The following IQSEC2 variants were observed in gnomAD, a reference collection of about 807,000 sequenced individuals.
The protein encoded by IQSEC2 is IQ motif and SEC7 domain-containing protein 2.
IQSEC2 carries 6 observed loss-of-function variants against 74.6 expected under a neutral mutation model. The observed-to-expected ratio is 0.08, with a 90% CI of 0.04 to 0.16. The LOEUF is 0.16. Ranked by LOEUF, IQSEC2 falls within the 10% of genes least tolerant of loss-of-function variation. The pLI, the probability that IQSEC2 is intolerant of heterozygous loss-of-function variation, is 1.00. For synonymous variants in IQSEC2, 494 were observed against 544.5 expected (o/e 0.91, Z 1.29); for missense variants, 734 against 1,306.2 (o/e 0.56, Z 6.75).
intron 2 of IQSEC2, 53 bp from the exon 3 acceptor site, chrX:53,256,114 C>G: frequency 9.4e-7 from 1 of 1,064,897 alleles, no homozygotes; most frequent in Non-Finnish European, 1.2e-6. Flanking sequence ...CAGGGGCCTA[C>G]TGGGCCATAC....
At chrX:53,270,435 T>C (rs1277878406) in intron 2 of IQSEC2, among the ~76,000 whole-genome samples, 1 of 110,530 alleles carries the variant, frequency 9.0e-6, no homozygotes, top group Non-Finnish European at 1.9e-5. Flanking sequence ...ACACCTGCGG[T>C]TCCTTCTATC....
At chrX:53,245,877 T>C (rs1414729415) in intron 8 of IQSEC2, among the ~76,000 whole-genome samples, 2 of 102,260 alleles carry the variant, frequency 2.0e-5, no homozygotes, top group African/African-American at 3.7e-5. Context: ...TTTTTTTTTT[T>C]TTCAAGACAG....
chrX:53,281,542 G>A, intron 2 of IQSEC2: 1 of 1,152,780 alleles, frequency 8.7e-7, no homozygotes, highest in Non-Finnish European at 1.2e-6. Context: ...CTGTCCCAAG[G>A]GCAGGCCCCC....
intron 2 of IQSEC2, among the ~76,000 whole-genome samples, chrX:53,268,311 A>G (rs1458595759): frequency 2.7e-5 from 3 of 111,462 alleles, no homozygotes; most frequent in Non-Finnish European, 5.7e-5. Flanking sequence ...ATTGCTGTCC[A>G]TCTGATGCAC....
chrX:53,256,140 C>T (rs889570776), intron 2 of IQSEC2, 79 bp from the exon 3 acceptor site: 11 of 949,059 alleles, frequency 1.2e-5, no homozygotes, highest in Non-Finnish European at 1.4e-5. Context: ...GTGGGTGAGC[C>T]AGATCCCTGC....
chrX:53,266,676 A>C, intron 2 of IQSEC2: 1 of 873,175 alleles, frequency 1.1e-6, no homozygotes. Context: ...CGGGTACGGG[A>C]GGATCCAGGT....
At chrX:53,259,987 G>C (rs1227210743) in intron 2 of IQSEC2, among the ~76,000 whole-genome samples, 1 of 111,981 alleles carries the variant, frequency 8.9e-6, no homozygotes, top group Non-Finnish European at 1.9e-5. Context: ...TTCTCAGGGA[G>C]GTGATGTTCT....
chrX:53,250,391 G>A lies in IQSEC2; in HGVS notation c.2185C>T (p.Leu729=), dbSNP rs782134700. 8.3e-7 allele frequency: 1 copy of A among 1,211,906 alleles called. No homozygotes were observed. Among genetic ancestry groups the A allele is most frequent in the South Asian group, 1.8e-5 (1 of 57,002 alleles). ...TCCCGCTGGTAAGTCTGCTTGCACA[G>A]GCCGGTAGCCGGAGGCTCCCTTAGA... ...DSLREPPATG[L]CKQTYQRETR... Residue 729 remains leucine (L), a synonymous_variant, in exon 5 of 15, where the codon CTG becomes TTG. Coordinates refer to ENST00000642864, the MANE Select transcript of IQSEC2 (RefSeq NM_001111125.3).
At chrX:53,259,589 C>T (rs1366588595) in intron 2 of IQSEC2, among the ~76,000 whole-genome samples, 1 of 105,424 alleles carries the variant, frequency 9.5e-6, no homozygotes, top group Non-Finnish European at 2.0e-5. Flanking sequence ...TCACTTAAGC[C>T]CAGGAGTTCA....
At chrX:53,291,142 C>T (rs1979790853) in intron 2 of IQSEC2, among the ~76,000 whole-genome samples, 1 of 110,516 alleles carries the variant, frequency 9.0e-6, no homozygotes, top group South Asian at 3.9e-4. Context: ...CCCCATCATT[C>T]CTATATAATC....
intron 12 of IQSEC2, 44 bp downstream of exon 12, chrX:53,238,101 A>G: frequency 8.6e-7 from 1 of 1,161,209 alleles, no homozygotes; most frequent in Non-Finnish European, 1.2e-6. Flanking sequence ...TCTGCAGGGT[A>G]CTGTTTCAGG....
At chrX:53,300,219 T>A (rs1434401004) in intron 1 of IQSEC2, among the ~76,000 whole-genome samples, 1 of 111,705 alleles carries the variant, frequency 9.0e-6, no homozygotes, top group African/African-American at 3.3e-5. Flanking sequence ...TGTTTCTACC[T>A]TTTTTACTCC....
chrX:53,264,397 C>T (rs1556867202), intron 2 of IQSEC2, among the ~76,000 whole-genome samples: 1 of 105,313 alleles, frequency 9.5e-6, no homozygotes, highest in Non-Finnish European at 2.0e-5. Flanking sequence ...GCCCACGGGT[C>T]GGGAGGGTCA....
rs1397379867 is a variant in IQSEC2, at chrX:53,320,999, C to T, written c.125G>A (p.Arg42Gln). The T allele has an allele frequency of 1.2e-5, 14 of 1,156,366 alleles. No homozygotes were observed. The highest frequency in any genetic ancestry group is 1.6e-5 in the Non-Finnish European group (14 of 871,563). Reference sequence around the variant, plus strand: ...CTGGCCCTCCAGCTCCTCGATGCGCCGCCGCTGGGTTTCCAGCAGCTGCTG... The same window carrying T: ...CTGGCCCTCCAGCTCCTCGATGCGCTGCCGCTGGGTTTCCAGCAGCTGCTG... Reference protein sequence around the residue: ...SQQQLLETQRRRIEELEGQLD... With the variant: ...SQQQLLETQRQRIEELEGQLD... Residue 42 changes from arginine (R) to glutamine (Q), a missense_variant, in exon 1 of 15, where the codon CGG becomes CAG. Coordinates refer to ENST00000642864, the MANE Select transcript of IQSEC2 (RefSeq NM_001111125.3).
Position 53,243,565 on chromosome X carries a change from G to C in IQSEC2, c.2750-94C>G, listed in dbSNP as rs182734926. 3 of 1,073,666 alleles carry C rather than the reference G, an allele frequency of 2.8e-6. No homozygotes were observed. The African/African-American group carries it at 5.7e-5, about 20-fold the overall frequency. The allele number at this position is 1,073,666 out of a possible 1,213,427, so 88.5% of individuals were successfully genotyped here. ...ACCCCCACACCCAGGCACGGGCCACGATAGTCAGGACTGAGGGTCAATGGG... is the reference window on the plus strand; with the variant it reads ...ACCCCCACACCCAGGCACGGGCCACCATAGTCAGGACTGAGGGTCAATGGG... On this transcript the variant is annotated intron_variant, in intron 8 of 14. Transcript: ENST00000642864.
chrX:53,269,993 T>C lies in IQSEC2; in HGVS notation c.738-13932A>G, dbSNP rs184515094. ...CAATTCTGCTCTGGCCCTCTTCTCTTTCACTCCACACTTTTTCAGTGATCT... is the reference window on the plus strand; with the variant it reads ...CAATTCTGCTCTGGCCCTCTTCTCTCTCACTCCACACTTTTTCAGTGATCT... On this transcript the variant is annotated intron_variant, in intron 2 of 14. Transcript: ENST00000642864. Among the ~76,000 whole-genome samples, 203 of 110,544 alleles carry C rather than the reference T, an allele frequency of 1.8e-3. 2 individuals carry two copies. The highest frequency in any genetic ancestry group is 6.3e-3 in the African/African-American group (190 of 30,359).
At position 53,250,239 on chromosome X, in the gene IQSEC2, G is replaced by C. The variant is rs1556862929; in HGVS notation, c.2297+40C>G. 4 of 1,198,683 alleles carry C rather than the reference G, an allele frequency of 3.3e-6. No individual in the cohort carries two copies. In the South Asian group the frequency reaches 7.1e-5, roughly 21 times the overall value. On this transcript the variant is annotated intron_variant, in intron 5 of 14. Coordinates refer to ENST00000642864, the MANE Select transcript of IQSEC2 (RefSeq NM_001111125.3). ...CCAGGAACCCAAGTGCATGTGGCAG[G>C]GTAGGAAGGGGTAAGCAGGCTAGAA...
chrX:53,292,712 C>A (rs1176287150), intron 1 of IQSEC2, among the ~76,000 whole-genome samples: 1 of 111,779 alleles, frequency 8.9e-6, no homozygotes, highest in Non-Finnish European at 1.9e-5. Flanking sequence ...GAACCACACC[C>A]TTCCTCTCCC....
At chrX:53,316,895 CCAAGTGTAAGCCAGCTTG>C (rs1474239919) in intron 1 of IQSEC2, among the ~76,000 whole-genome samples, 1 of 109,679 alleles carries the variant, frequency 9.1e-6, no homozygotes, top group Non-Finnish European at 1.9e-5. Flanking sequence ...GTTGCTATCT[CCAAGTGTAAGCCAGCTTG>C]CAGGGTGGAT....
Sources: gnomAD v4.1 joint callset for allele counts (sites outside exome capture counted in the v4.1 genomes callset) on GRCh38, gnomAD v4.1.1 for gene constraint, MANE v1.5 for transcripts, NCBI Gene and HGNC (gene_info 2026-07-23, HGNC 2026-07-21) for gene names.